The following MRPS27 variants were observed in gnomAD, a reference collection of about 807,000 sequenced individuals.
The protein encoded by MRPS27 is mitochondrial ribosomal protein S27.
Under a neutral mutation model 48.9 loss-of-function variants are expected in MRPS27, and 43 were observed. That is an observed-to-expected ratio of 0.88 (90% CI 0.69 to 1.13). The LOEUF (loss-of-function observed/expected upper bound fraction) is 1.13. Ranked by LOEUF, MRPS27 falls within the 50% of genes most tolerant of loss-of-function variation. The pLI, the probability that MRPS27 is intolerant of heterozygous loss-of-function variation, is 0.00. For missense variants in MRPS27, 467 were observed against 476.3 expected (o/e 0.98, Z 0.18); for synonymous variants, 188 against 171.9 (o/e 1.09, Z -0.73).
At chr5:72,223,309 G>A (rs1276283605) in intron 10 of MRPS27, among the ~76,000 whole-genome samples, 2 of 152,194 alleles carry the variant, frequency 1.3e-5, no homozygotes, top group Non-Finnish European at 2.9e-5. Flanking sequence ...GGGTTTTTAG[G>A]TTATCAAGCA....
intron 4 of MRPS27, among the ~76,000 whole-genome samples, chr5:72,259,554 A>G (rs1038160806): frequency 2.6e-5 from 4 of 152,142 alleles, no homozygotes; most frequent in Admixed American, 2.0e-4. Context: ...GCAAGAAACT[A>G]TCTTTTCTGA....
At chr5:72,302,635 CA>C (rs1561361818) in intron 2 of MRPS27, among the ~76,000 whole-genome samples, 1 of 152,196 alleles carries the variant, frequency 6.6e-6, no homozygotes, top group Non-Finnish European at 1.5e-5. Context: ...ATGTAACTGT[CA>C]GAGGCCAAAG....
chr5:72,246,174 C>T (rs55952119), intron 4 of MRPS27, among the ~76,000 whole-genome samples: 2,027 of 152,310 alleles, frequency 0.013, 17 homozygotes, highest in South Asian at 0.04. Flanking sequence ...TGCATAAATA[C>T]CCATCATGCA....
chr5:72,274,898 G>A (rs1205131990), intron 4 of MRPS27, among the ~76,000 whole-genome samples: 2 of 152,174 alleles, frequency 1.3e-5, no homozygotes, highest in Admixed American at 1.3e-4. Context: ...ACATCGTTAT[G>A]CAGCACAAGA....
chr5:72,232,283 T>C (rs3213894), intron 7 of MRPS27, among the ~76,000 whole-genome samples, 160 bp downstream of exon 7: 35,326 of 152,122 alleles, frequency 0.23, 5,238 homozygotes, highest in Non-Finnish European at 0.33. Context: ...AACCTCCAAT[T>C]CCATTTGTTA....
At chr5:72,266,340 C>T (rs929979464) in intron 4 of MRPS27, among the ~76,000 whole-genome samples, 2 of 152,242 alleles carry the variant, frequency 1.3e-5, no homozygotes, top group Admixed American at 6.5e-5. Flanking sequence ...TCCACCTCCC[C>T]CAAGGATTGC....
chr5:72,312,340 G>A (rs190302136), intron 2 of MRPS27, among the ~76,000 whole-genome samples: 8 of 152,126 alleles, frequency 5.3e-5, no homozygotes, highest in Non-Finnish European at 8.8e-5. Context: ...ACATACCTTT[G>A]AATCAATCAG....
At chr5:72,285,252 G>A (rs949701166) in intron 4 of MRPS27, among the ~76,000 whole-genome samples, 5 of 152,080 alleles carry the variant, frequency 3.3e-5, no homozygotes, top group South Asian at 2.1e-4. Flanking sequence ...CCAGCTGTAC[G>A]ATTTGTTCCA....
Position 72,258,701 on chromosome 5 carries a change from C to T in MRPS27, c.282-20573G>A, listed in dbSNP as rs140703548. On this transcript the variant is annotated intron_variant, in intron 4 of 10. Coordinates refer to ENST00000261413, the MANE Select transcript of MRPS27 (RefSeq NM_015084.3). ...GTGCCATCTTGGAAACAGAGAACTG[C>T]CCTCACCAGATAGCAAACCTGTGTG... is the stretch of plus-strand genomic sequence containing the variant. Among the ~76,000 whole-genome samples the T allele has an allele frequency of 2.6e-3, 400 of 152,256 alleles. 2 individuals are homozygous for T. Among genetic ancestry groups the T allele is most frequent in the African/African-American group, 9.2e-3 (384 of 41,548 alleles).
chr5:72,279,307 C>T (rs899976324), intron 4 of MRPS27, among the ~76,000 whole-genome samples: 2 of 152,140 alleles, frequency 1.3e-5, no homozygotes, highest in Non-Finnish European at 2.9e-5. Context: ...TATTCTCTAT[C>T]CACTTTTCTA....
Position 72,278,036 on chromosome 5 carries a change from C to G in MRPS27, c.281+17495G>C, listed in dbSNP as rs540385950. Among the ~76,000 whole-genome samples the G allele has an allele frequency of 4.6e-5, 7 of 152,224 alleles. No individual in the cohort carries two copies. The South Asian group carries it at 1.4e-3, about 32-fold the overall frequency. On this transcript the variant is annotated intron_variant, in intron 4 of 10. Coordinates refer to ENST00000261413, the MANE Select transcript of MRPS27 (RefSeq NM_015084.3). ...GATAGCTGCAGCAAACCACTGGGCA[C>G]ATGTTTATTTATGTAACAAATCTGC...
intron 4 of MRPS27, among the ~76,000 whole-genome samples, chr5:72,274,023 T>C (rs1749312750): frequency 6.6e-6 from 1 of 152,222 alleles, no homozygotes; most frequent in African/African-American, 2.4e-5. Context: ...TTAATTTTTT[T>C]TAACTTTTTA....
chr5:72,301,981 G>A (rs1750136664), intron 2 of MRPS27, among the ~76,000 whole-genome samples: 1 of 152,196 alleles, frequency 6.6e-6, no homozygotes, highest in Admixed American at 6.5e-5. Flanking sequence ...TGTTCAAAGA[G>A]ATGTGCCAAA....
chr5:72,232,068 G>A (rs1748076893), intron 7 of MRPS27, among the ~76,000 whole-genome samples: 2 of 152,086 alleles, frequency 1.3e-5, no homozygotes, highest in Non-Finnish European at 2.9e-5. Context: ...GAAACCTTAG[G>A]AAAATACTGA....
At chr5:72,240,593 T>C (rs943623063) in intron 4 of MRPS27, among the ~76,000 whole-genome samples, 5 of 152,116 alleles carry the variant, frequency 3.3e-5, no homozygotes, top group Non-Finnish European at 5.9e-5. Context: ...ACAATAAGAA[T>C]ACCATGACCA....
At chr5:72,294,194 T>TA (rs1286056391) in intron 4 of MRPS27, among the ~76,000 whole-genome samples, 214 of 148,648 alleles carry the variant, frequency 1.4e-3, no homozygotes, top group African/African-American at 4.8e-3. Context: ...ATTCAGAAAT[T>TA]AAAAAAAAAG....
At chr5:72,291,896 G>A (rs1749828991) in intron 4 of MRPS27, among the ~76,000 whole-genome samples, 2 of 152,204 alleles carry the variant, frequency 1.3e-5, no homozygotes, top group Admixed American at 6.5e-5. Context: ...TCAGAAGACA[G>A]CTTGAAAACC....
chr5:72,246,069 G>A (rs572143231), intron 4 of MRPS27, among the ~76,000 whole-genome samples: 1 of 152,120 alleles, frequency 6.6e-6, no homozygotes, highest in Non-Finnish European at 1.5e-5. Context: ...AAAGGCAGGG[G>A]ACAAGTTATC....
chr5:72,297,533 A>G (rs748779618), intron 3 of MRPS27, 99 bp downstream of exon 3: 3 of 684,462 alleles, frequency 4.4e-6, no homozygotes, highest in Non-Finnish European at 7.2e-6. Flanking sequence ...AATATTTCCT[A>G]TGCAAACTAT....
Sources: gnomAD v4.1 joint callset for allele counts (sites outside exome capture counted in the v4.1 genomes callset) on GRCh38, gnomAD v4.1.1 for gene constraint, MANE v1.5 for transcripts, NCBI Gene and HGNC (gene_info 2026-07-23, HGNC 2026-07-21) for gene names.